Variants in CACNA1B observed in about 807,000 individuals in gnomAD.
The protein encoded by CACNA1B is voltage-dependent N-type calcium channel subunit alpha-1B.
A neutral mutation model predicts 247.2 loss-of-function variants in CACNA1B; 70 were observed. That is an observed-to-expected ratio of 0.28 (90% CI 0.23 to 0.35). CACNA1B has a LOEUF of 0.35. CACNA1B is among the 10% of genes least tolerant of loss of function. CACNA1B has a pLI of 1.00. For synonymous variants in CACNA1B, 1,231 were observed against 1,294.4 expected (o/e 0.95, Z 1.05); for missense variants, 2,367 against 3,197.4 (o/e 0.74, Z 6.26).
At chr9:137,961,255 G>C (rs1256118928) in intron 10 of CACNA1B, among the ~76,000 whole-genome samples, 1 of 152,190 alleles carries the variant, frequency 6.6e-6, no homozygotes, top group African/African-American at 2.4e-5. Context: ...TTTGTATCCT[G>C]AGACTTAGCT....
At position 137,914,100 on chromosome 9, in the gene CACNA1B, A is replaced by T. The variant is rs1165330242; in HGVS notation, c.623-554A>T. Among the ~76,000 whole-genome samples, 1 of 151,964 alleles carries T rather than the reference A, an allele frequency of 6.6e-6. No individual in the cohort carries two copies. Among genetic ancestry groups the T allele is most frequent in the African/African-American group, 2.4e-5 (1 of 41,362 alleles). ...CTCCCAAGGAGTTGGGTCTGTTAGGAATACCTGTACTTCTCCCCCAGGATC... is the reference window on the plus strand; with the variant it reads ...CTCCCAAGGAGTTGGGTCTGTTAGGTATACCTGTACTTCTCCCCCAGGATC... On this transcript the variant is annotated intron_variant, in intron 4 of 46. Transcript: ENST00000371372. The surrounding 1 kb of genome is among the most constrained non-coding windows in gnomAD (Gnocchi z 4.3).
intron 6 of CACNA1B, among the ~76,000 whole-genome samples, chr9:137,941,060 C>T (rs1302396366): frequency 6.6e-6 from 1 of 152,100 alleles, no homozygotes; most frequent in African/African-American, 2.4e-5. Context: ...GAAGTCCTAA[C>T]CAGAGCAATC....
intron 25 of CACNA1B, 97 bp from the exon 26 acceptor site, chr9:138,053,749 C>A: frequency 1.1e-6 from 1 of 895,942 alleles, no homozygotes. Context: ...CTCATCGTGG[C>A]TCCACCCCTC....
intron 10 of CACNA1B, among the ~76,000 whole-genome samples, chr9:137,967,765 GCTCT>G (rs1958097995): frequency 6.6e-6 from 1 of 152,172 alleles, no homozygotes; most frequent in East Asian, 1.9e-4. Context: ...TCAGTGACTT[GCTCT>G]CTGTCTGCCC....
At chr9:138,003,385 C>G (rs1391481670) in intron 15 of CACNA1B, among the ~76,000 whole-genome samples, 1 of 151,828 alleles carries the variant, frequency 6.6e-6, no homozygotes, top group Non-Finnish European at 1.5e-5. Flanking sequence ...GTTGCCCAGG[C>G]TGGTCTCTAT....
At chr9:138,105,914 T>G in intron 39 of CACNA1B, 107 bp downstream of exon 39, 2 of 696,954 alleles carry the variant, frequency 2.9e-6, no homozygotes, top group South Asian at 3.3e-5. Context: ...AGGGGCCAGC[T>G]GTGTCTGGAG....
At chr9:138,000,162 G>C (rs113118007) in intron 15 of CACNA1B, among the ~76,000 whole-genome samples, 8 of 150,112 alleles carry the variant, frequency 5.3e-5, no homozygotes, top group Admixed American at 3.3e-4. Flanking sequence ...GCAGTGGTGC[G>C]ATCTCGGCTC....
At position 137,971,638 on chromosome 9, in the gene CACNA1B, C is replaced by G. The variant is rs900000890; in HGVS notation, c.1543+46C>G. 8 of 1,521,928 alleles carry G rather than the reference C, an allele frequency of 5.3e-6. No individual in the cohort carries two copies. The African/African-American group carries it at 1.1e-4, about 21-fold the overall frequency. The allele number at this position is 1,521,928 out of a possible 1,614,324, so 94.3% of individuals were successfully genotyped here. On this transcript the variant is annotated intron_variant, in intron 11 of 46. Transcript: ENST00000371372. This position sits in a 1 kb window ranked among gnomAD's most constrained non-coding sequence, Gnocchi z 4.4. The stretch of plus-strand genomic sequence containing the variant: ...CTCAGGTGCTTCCTGAGCATCTCTG[C>G]TCTCAGTCTGGAAACCCTGGTCCAT...
At chr9:138,034,577 G>C (rs1453867139) in intron 20 of CACNA1B, among the ~76,000 whole-genome samples, 1 of 151,698 alleles carries the variant, frequency 6.6e-6, no homozygotes, top group East Asian at 1.9e-4. Context: ...GGTTTATTGA[G>C]CCTTTAAAAA....
Position 137,917,477 on chromosome 9 carries a change from C to T in CACNA1B, c.966+46C>T, listed in dbSNP as rs1466832892. 6.4e-7 allele frequency: 1 copy of T among 1,556,906 alleles called. No individual in the cohort carries two copies. Among genetic ancestry groups the T allele is most frequent in the Non-Finnish European group, 8.8e-7 (1 of 1,137,894 alleles). On this transcript the variant is annotated intron_variant, in intron 6 of 46. Coordinates refer to ENST00000371372, the MANE Select transcript of CACNA1B (RefSeq NM_000718.4). This position sits in a 1 kb window ranked among gnomAD's most constrained non-coding sequence, Gnocchi z 5.5. ...GGGCCTGAGGGCAGGCCCTGGACCT[C>T]CTGAGCTGGTGCCTCTGGGGGTCCA...
intron 10 of CACNA1B, among the ~76,000 whole-genome samples, chr9:137,959,550 G>A (rs1035781555): frequency 6.6e-6 from 1 of 151,650 alleles, no homozygotes; most frequent in African/African-American, 2.4e-5. Flanking sequence ...TTTTATAGAT[G>A]AGATAAAACT....
At chr9:137,991,310 C>T (rs1425366402) in intron 15 of CACNA1B, among the ~76,000 whole-genome samples, 2 of 152,144 alleles carry the variant, frequency 1.3e-5, no homozygotes, top group Non-Finnish European at 1.5e-5. Context: ...GCAATAGAAT[C>T]GAACAAGCTG....
chr9:138,023,455 C>T lies in CACNA1B; in HGVS notation c.2712C>T (p.Ser904=), dbSNP rs549664833. The change falls in exon 19 of 47, where the codon AGC becomes AGT. Residue 904 remains serine (S), a synonymous_variant. Transcript: ENST00000371372. ...KEAAGPPEAR[S]ERGRGPGPEG... ...CCGCGGGGCCCCCGGAGGCGCGGAG[C>T]GAGCGCGGCCGAGGCCCAGGCCCCG... 2 of 1,209,796 alleles carry T rather than the reference C, an allele frequency of 1.7e-6. No individual in the cohort carries two copies. Among genetic ancestry groups the T allele is most frequent in the South Asian group, 3.7e-5 (1 of 27,028 alleles). The allele number at this position is 1,209,796 out of a possible 1,614,324, so 74.9% of individuals were successfully genotyped here.
chr9:138,044,837 C>A (rs768809919), intron 21 of CACNA1B, among the ~76,000 whole-genome samples: 9 of 152,246 alleles, frequency 5.9e-5, no homozygotes, highest in Non-Finnish European at 1.2e-4. Context: ...CCTCCTCCCC[C>A]CAGTCACTCT....
Position 137,994,693 on chromosome 9 carries a change from T to C in CACNA1B, c.1974+7839T>C, listed in dbSNP as rs1003933852. Reference sequence around the variant, plus strand: ...CTCTACAAGGGAAACGACAAAACACTGCTGAAAGAAATCATAGACGACACA... The same window carrying C: ...CTCTACAAGGGAAACGACAAAACACCGCTGAAAGAAATCATAGACGACACA... On this transcript the variant is annotated intron_variant, in intron 15 of 46. Coordinates refer to ENST00000371372, the MANE Select transcript of CACNA1B (RefSeq NM_000718.4). Among the ~76,000 whole-genome samples the C allele has an allele frequency of 2.0e-5, 3 of 152,274 alleles. No homozygotes were observed. The East Asian group carries it at 5.8e-4, about 29-fold the overall frequency.
At chr9:137,968,455 T>C (rs1958106867) in intron 10 of CACNA1B, among the ~76,000 whole-genome samples, 1 of 152,200 alleles carries the variant, frequency 6.6e-6, no homozygotes, top group African/African-American at 2.4e-5. Context: ...TGCTCTGTTT[T>C]CAGTTGAGGA....
intron 20 of CACNA1B, among the ~76,000 whole-genome samples, chr9:138,038,933 C>T (rs1490897723): frequency 1.3e-5 from 2 of 152,090 alleles, no homozygotes; most frequent in African/African-American, 4.8e-5. Flanking sequence ...TCCTGTAATC[C>T]CAGCACTTTG....
chr9:137,916,705 G>A (rs1957415649), intron 5 of CACNA1B, among the ~76,000 whole-genome samples: 1 of 151,900 alleles, frequency 6.6e-6, no homozygotes, highest in South Asian at 2.1e-4. Context: ...GTTTGGCTGT[G>A]AGGGAGAGGT....
In CACNA1B at chr9:138,102,021, C is replaced by G. The variant is rs142705777; in HGVS notation, c.5223-690C>G. Among the ~76,000 whole-genome samples, 633 of 152,328 alleles carry G rather than the reference C, an allele frequency of 4.2e-3. No individual in the cohort carries two copies. The highest frequency in any genetic ancestry group is 0.014 in the Middle Eastern group (4 of 294). On this transcript the variant is annotated intron_variant, in intron 37 of 46. Transcript: ENST00000371372. This position sits in a 1 kb window ranked among gnomAD's most constrained non-coding sequence, Gnocchi z 5.4. Reference sequence around the variant, plus strand: ...GGCCATGTCCTGCCAGCTCCTCCCCCCTCCCGCAGTCTCCCATTTCCCACC... The same window carrying G: ...GGCCATGTCCTGCCAGCTCCTCCCCGCTCCCGCAGTCTCCCATTTCCCACC...
Sources: gnomAD v4.1 joint callset for allele counts (sites outside exome capture counted in the v4.1 genomes callset) on GRCh38, gnomAD v4.1.1 for gene constraint, Gnocchi (gnomAD v3.1) non-coding constraint, MANE v1.5 for transcripts, NCBI Gene and HGNC (gene_info 2026-07-23, HGNC 2026-07-21) for gene names.